The following CYGB variants were observed in gnomAD, a reference collection of about 807,000 sequenced individuals.
CYGB encodes the protein cytoglobin, also known as histoglobin.
Under a neutral mutation model 20.7 loss-of-function variants are expected in CYGB, and 13 were observed. That is an observed-to-expected ratio of 0.63 (90% confidence interval 0.41 to 1.00). The LOEUF is 1.00. Ranked by LOEUF, CYGB falls within the 50% of genes least tolerant of loss-of-function variation. CYGB has a pLI of 0.00. For missense variants in CYGB, 218 were observed against 257.2 expected (o/e 0.85, Z 1.04); for synonymous variants, 93 against 107.4 (o/e 0.87, Z 0.83).
rs1199776421 is a variant in CYGB, at chr17:76,537,477, C to T, written c.66G>A (p.Ala22=). The stretch of plus-strand genomic sequence containing the variant: ...ACATAGCCTGCACCGCCTTCCTCTC[C>T]GCCTCGGACAGCTCCTCGCTCCGCT... ...RRERSEELSE[A]ERKAVQAMWA... is the part of the protein sequence containing the mutation. The change falls in exon 1 of 4, where the codon GCG becomes GCA. Residue 22 remains alanine, a synonymous_variant. Coordinates refer to ENST00000293230, the MANE Select transcript of CYGB (RefSeq NM_134268.5). 2 of 1,593,636 alleles carry T rather than the reference C, an allele frequency of 1.3e-6. No homozygotes were observed. The highest frequency in any genetic ancestry group is 2.2e-5 in the South Asian group (2 of 89,434).
In CYGB at chr17:76,527,382, A is replaced by G. The variant is rs1455448210; in HGVS notation, c.*1196T>C. ...ACAGCAAGAACGGGTCTGTTTAATG[A>G]CACAGCTGGGTCTGGTTACAAACAT... On this transcript the variant is annotated 3_prime_UTR_variant, in exon 4 of 4. Coordinates refer to ENST00000293230, the MANE Select transcript of CYGB (RefSeq NM_134268.5). The G allele has an allele frequency of 8.4e-6, 3 of 357,380 alleles. No homozygotes were observed. Among genetic ancestry groups the G allele is most frequent in the Non-Finnish European group, 1.7e-5 (3 of 180,580 alleles). The allele number at this position is 357,380 out of a possible 1,614,324, so 22.1% of individuals were successfully genotyped here.
In CYGB at chr17:76,528,698, G is replaced by C; in HGVS notation, c.540-87C>G. The C allele has an allele frequency of 8.4e-7, 1 of 1,184,654 alleles. No homozygotes were observed. The highest frequency in any genetic ancestry group is 1.1e-6 in the Non-Finnish European group (1 of 930,032). 73.4% of individuals were successfully genotyped at this position (1,184,654 alleles called of 1,614,324 possible). ...GAAAGGGGGAGGACCTGGGGCTGGC[G>C]AGGCTCACTTCCTGCCAAGAGATCC... On this transcript the variant is annotated intron_variant, in intron 3 of 3. Coordinates refer to ENST00000293230, the MANE Select transcript of CYGB (RefSeq NM_134268.5). This position sits in a 1 kb window ranked among gnomAD's most constrained non-coding sequence, Gnocchi z 5.8.
At chr17:76,534,050 G>GAT (rs923858520) in intron 1 of CYGB, among the ~76,000 whole-genome samples, 1 of 151,732 alleles carries the variant, frequency 6.6e-6, no homozygotes, top group African/African-American at 2.4e-5. Flanking sequence ...TAATAACAAT[G>GAT]ATATATATAT....
Position 76,528,771 on chromosome 17 carries a change from G to A in CYGB, c.540-160C>T, listed in dbSNP as rs1416706516. 8.0e-6 allele frequency: 8 copies of A among 999,192 alleles called. No homozygotes were observed. The highest frequency in any genetic ancestry group is 5.0e-5 in the African/African-American group (3 of 59,616). The allele number at this position is 999,192 out of a possible 1,614,324, so 61.9% of individuals were successfully genotyped here. On this transcript the variant is annotated intron_variant, in intron 3 of 3. Coordinates refer to ENST00000293230, the MANE Select transcript of CYGB (RefSeq NM_134268.5). The surrounding 1 kb of genome is among the most constrained non-coding windows in gnomAD (Gnocchi z 5.8). ...CCGTGAGACCCAAGTTCTAGTCTCC[G>A]TCCTGCTACGAACGTGCTGTGTGAT...
intron 1 of CYGB, chr17:76,543,948 C>T (rs559257832): frequency 3.4e-5 from 16 of 468,842 alleles, no homozygotes; most frequent in Non-Finnish European, 6.2e-5. Flanking sequence ...TGTGCAAGCG[C>T]GTGTGTTCCA....
At chr17:76,537,953 T>C (rs1251634762), upstream of CYGB, 2 of 148,362 alleles carry the variant, frequency 1.3e-5, no homozygotes, top group African/African-American at 5.0e-5. Flanking sequence ...CGGGTAGGTG[T>C]GGCCGGGGCG....
intron 1 of CYGB, among the ~76,000 whole-genome samples, chr17:76,548,164 C>T (rs912824944): frequency 3.9e-4 from 59 of 152,200 alleles, no homozygotes; most frequent in African/African-American, 1.4e-3. Flanking sequence ...CACACATACA[C>T]ACACACATAT....
chr17:76,544,336 C>T (rs751296907), intron 1 of CYGB: 14 of 454,508 alleles, frequency 3.1e-5, no homozygotes, highest in African/African-American at 6.0e-5. Context: ...GCACTTCAGC[C>T]GCCACTCTGC....
chr17:76,537,263 G>GCCC (rs1433505916), intron 1 of CYGB, 137 bp downstream of exon 1: 1 of 1,021,654 alleles, frequency 9.8e-7, no homozygotes, highest in East Asian at 3.4e-5. Context: ...CACGCCGCCT[G>GCCC]CTCCGCCGAC....
In CYGB at chr17:76,543,755, C is replaced by T. The variant is rs770292512; in HGVS notation, c.-53+7107G>A. On this transcript the variant is annotated intron_variant, in intron 1 of 3. Transcript: ENST00000589145. The stretch of plus-strand genomic sequence containing the variant: ...CACTTGTGGTCCGAGGTGCTGGTGT[C>T]GGTTTGCCACAGTGGCACTCGCTTT... 6 of 469,792 alleles carry T rather than the reference C, an allele frequency of 1.3e-5. No homozygotes were observed. In the East Asian group the frequency reaches 2.1e-4, roughly 16 times the overall value. 29.1% of individuals were successfully genotyped at this position (469,792 alleles called of 1,614,324 possible).
chr17:76,530,161 G>C lies in CYGB; in HGVS notation c.539+818C>G. ...CCACGCGTGTCCCGGGCTGCTGGCT[G>C]ACCTCTGCTTCCCATTCCCGCCTCC... On this transcript the variant is annotated intron_variant, in intron 3 of 3. Coordinates refer to ENST00000293230, the MANE Select transcript of CYGB (RefSeq NM_134268.5). This position sits in a 1 kb window ranked among gnomAD's most constrained non-coding sequence, Gnocchi z 6.1. 1.1e-6 allele frequency: 1 copy of C among 919,310 alleles called. No individual in the cohort carries two copies. Among genetic ancestry groups the C allele is most frequent in the Non-Finnish European group, 1.3e-6 (1 of 769,824 alleles). 56.9% of individuals were successfully genotyped at this position (919,310 alleles called of 1,614,324 possible). A position where few individuals can be genotyped will look rare whatever the true frequency, so the allele number is the denominator to read the frequency against.
chr17:76,536,889 C>T (rs2074920302), intron 1 of CYGB, among the ~76,000 whole-genome samples: 1 of 152,184 alleles, frequency 6.6e-6, no homozygotes, highest in African/African-American at 2.4e-5. Context: ...ACTGGACCCC[C>T]CGGGCTCTCC....
Position 76,527,815 on chromosome 17 carries a change from G to A in CYGB, c.*763C>T, listed in dbSNP as rs1449160939. On this transcript the variant is annotated 3_prime_UTR_variant, in exon 4 of 4. Transcript: ENST00000293230. ...CCACCCAGAACTTCGCTCTGCCCCT[G>A]CCCATTCTAGGACAGCCGGTGAGTC... is the stretch of plus-strand genomic sequence containing the variant. 2 of 453,804 alleles carry A rather than the reference G, an allele frequency of 4.4e-6. No individual in the cohort carries two copies. Among genetic ancestry groups the A allele is most frequent in the Non-Finnish European group, 8.8e-6 (2 of 226,678 alleles). 28.1% of individuals were successfully genotyped at this position (453,804 alleles called of 1,614,324 possible). A position where few individuals can be genotyped will look rare whatever the true frequency, so the allele number is the denominator to read the frequency against.
rs911463544 is a variant in CYGB at position 76,528,828 on chromosome 17, C to T, written c.540-217G>A. ...CAAGTCTACTGGCCCATGGGAGCTC[C>T]GGATCTTTTTCTCTAAAATGTGAAT... On this transcript the variant is annotated intron_variant, in intron 3 of 3. Coordinates refer to ENST00000293230, the MANE Select transcript of CYGB (RefSeq NM_134268.5). The surrounding 1 kb of genome is among the most constrained non-coding windows in gnomAD (Gnocchi z 5.8). 9 of 1,186,536 alleles carry T rather than the reference C, an allele frequency of 7.6e-6. No homozygotes were observed. The highest frequency in any genetic ancestry group is 1.6e-5 in the African/African-American group (1 of 63,510). The allele number at this position is 1,186,536 out of a possible 1,614,324, so 73.5% of individuals were successfully genotyped here. A position where few individuals can be genotyped will look rare whatever the true frequency, so the allele number is the denominator to read the frequency against.
intron 1 of CYGB, chr17:76,543,525 A>G (rs2075016744): frequency 1.4e-5 from 5 of 348,820 alleles, no homozygotes; most frequent in South Asian, 8.8e-5. Context: ...AAATGGGGAA[A>G]CACAGAGACA....
At chr17:76,542,699 C>A, upstream of CYGB, 1 of 1,013,100 alleles carries the variant, frequency 9.9e-7, no homozygotes. Flanking sequence ...AAGCAACAGG[C>A]AAGTCCCGGC....
Position 76,528,624 on chromosome 17 carries a change from T to C in CYGB, c.540-13A>G, listed in dbSNP as rs201496863. The C allele has an allele frequency of 4.1e-3, 5,257 of 1,272,840 alleles. 18 individuals carry two copies. The highest frequency in any genetic ancestry group is 3.9e-3 in the Non-Finnish European group (3,865 of 1,001,032). The allele number at this position is 1,272,840 out of a possible 1,614,324, so 78.8% of individuals were successfully genotyped here. Reference sequence around the variant, plus strand: ...TGTGGCCGGTGGGCTGTGGACGAGATAGGAAGGGAAGGACAAACGTTACCA... The same window carrying C: ...TGTGGCCGGTGGGCTGTGGACGAGACAGGAAGGGAAGGACAAACGTTACCA... On this transcript the variant is annotated splice_polypyrimidine_tract_variant and intron_variant, in intron 3 of 3. Transcript: ENST00000293230. This position sits in a 1 kb window ranked among gnomAD's most constrained non-coding sequence, Gnocchi z 5.8.
chr17:76,538,013 G>A (rs1256371213), upstream of CYGB: 1 of 151,464 alleles, frequency 6.6e-6, no homozygotes, highest in Non-Finnish European at 1.5e-5. Context: ...GGCGGCGCGG[G>A]CCGCACAGGA....
rs2074784458 is a variant in CYGB at position 76,527,769 on chromosome 17, C to T, written c.*809G>A. On this transcript the variant is annotated 3_prime_UTR_variant, in exon 4 of 4. Coordinates refer to ENST00000293230, the MANE Select transcript of CYGB (RefSeq NM_134268.5). ...GCGGTCGAGGTTTCTGGACTGAGGC[C>T]CCTCCCCCAGTGCGGTCATCCCACC... 2.2e-6 allele frequency: 1 copy of T among 454,024 alleles called. No homozygotes were observed. Among genetic ancestry groups the T allele is most frequent in the Non-Finnish European group, 4.4e-6 (1 of 226,736 alleles). 28.1% of individuals were successfully genotyped at this position (454,024 alleles called of 1,614,324 possible).
Sources: gnomAD v4.1 joint callset for allele counts (sites outside exome capture counted in the v4.1 genomes callset) on GRCh38, gnomAD v4.1.1 for gene constraint, Gnocchi (gnomAD v3.1) non-coding constraint, MANE v1.5 for transcripts, NCBI Gene and HGNC (gene_info 2026-07-23, HGNC 2026-07-21) for gene names.